The following GNPTAB variants were observed in gnomAD, a reference collection of about 807,000 sequenced individuals.
GNPTAB encodes the protein N-acetylglucosamine-1-phosphotransferase subunits alpha/beta.
Under a neutral mutation model 136.6 loss-of-function variants are expected in GNPTAB, and 92 were observed. That is an observed-to-expected ratio of 0.67 (90% CI 0.57 to 0.80). The LOEUF is 0.80. Among genes scored for constraint, GNPTAB ranks in the 30% least tolerant of loss-of-function variants. GNPTAB has a pLI of 0.00. For missense variants in GNPTAB, 1,343 were observed against 1,501.8 expected (o/e 0.89, Z 1.75); for synonymous variants, 512 against 535.1 (o/e 0.96, Z 0.60).
rs1438149223 is a variant in GNPTAB, at chr12:101,830,597, C to T, written c.79G>A (p.Val27Ile). The change falls in exon 1 of 21, where the codon GTC (valine) becomes ATC (isoleucine). Residue 27 changes from valine (V) to isoleucine (I), a missense_variant. Coordinates refer to ENST00000299314, the MANE Select transcript of GNPTAB (RefSeq NM_024312.5). ...AAGGCGGAGACGATGGTGACAACGA[C>T]GCCCAAGAAGCACACGTAGAGCCCA... ...RYGLYVCFLG[V>I]VVTIVSAFQF... The T allele has an allele frequency of 6.2e-7, 1 of 1,612,812 alleles. No individual in the cohort carries two copies. Among genetic ancestry groups the T allele is most frequent in the Non-Finnish European group, 8.5e-7 (1 of 1,179,234 alleles).
intron 19 of GNPTAB, 51 bp downstream of exon 19, chr12:101,753,321 G>T: frequency 1.6e-6 from 2 of 1,256,042 alleles, no homozygotes; most frequent in Non-Finnish European, 2.3e-6. Context: ...AGATACATAT[G>T]CATGTATACA....
At chr12:101,772,223 C>T (rs1297204835) in intron 7 of GNPTAB, among the ~76,000 whole-genome samples, 2 of 152,224 alleles carry the variant, frequency 1.3e-5, no homozygotes. Flanking sequence ...GGGGAGAGGC[C>T]TGAAAACCAC....
chr12:101,797,049 G>A (rs184301344), intron 1 of GNPTAB, among the ~76,000 whole-genome samples: 329 of 152,226 alleles, frequency 2.2e-3, no homozygotes, highest in African/African-American at 7.4e-3. Flanking sequence ...TGAAGAATGA[G>A]TTCACCAGGT....
In GNPTAB at chr12:101,796,304, A is replaced by G. The variant is rs1035374451; in HGVS notation, c.203+373T>C. ...TGCAATCATGCAATTTAAGGTACCC[A>G]ATAAACTACAAGGTGGGATTACTCT... On this transcript the variant is annotated intron_variant, in intron 2 of 20. Coordinates refer to ENST00000299314, the MANE Select transcript of GNPTAB (RefSeq NM_024312.5). 3.3e-5 allele frequency: 23 copies of G among 702,548 alleles called. No individual in the cohort carries two copies. The African/African-American group carries it at 3.8e-4, about 12-fold the overall frequency. 43.5% of individuals were successfully genotyped at this position (702,548 alleles called of 1,614,324 possible).
intron 1 of GNPTAB, among the ~76,000 whole-genome samples, chr12:101,799,532 G>T (rs1869487410): frequency 6.6e-6 from 1 of 152,190 alleles, no homozygotes; most frequent in Non-Finnish European, 1.5e-5. Context: ...GGGACAGGCT[G>T]ACTCTACTGT....
chr12:101,829,703 A>G (rs1166804586), intron 1 of GNPTAB, among the ~76,000 whole-genome samples: 2 of 152,196 alleles, frequency 1.3e-5, no homozygotes, highest in African/African-American at 2.4e-5. Context: ...TCACACTTAC[A>G]AATCTGGAGC....
rs137852900 is a variant in GNPTAB, at chr12:101,770,185, A to G, written c.1120T>C (p.Phe374Leu). 5 of 1,614,056 alleles carry G rather than the reference A, an allele frequency of 3.1e-6. No individual in the cohort carries two copies. The East Asian group carries it at 1.1e-4, about 36-fold the overall frequency. Residue 374 changes from phenylalanine (F) to leucine (L), a missense_variant, in exon 10 of 21, where the codon TTT (phenylalanine) becomes CTT (leucine). Coordinates refer to ENST00000299314, the MANE Select transcript of GNPTAB (RefSeq NM_024312.5). ...GTAGGCAAGTGGCTCAAATTTCGAA[A>G]AACATCCTTTTAACAACAACAAACA... Reference protein sequence around the residue: ...RVTIVTHQDVFRNLSHLPTFS... With the variant: ...RVTIVTHQDVLRNLSHLPTFS...
chr12:101,797,226 G>A (rs898697743), intron 1 of GNPTAB, among the ~76,000 whole-genome samples: 3 of 152,072 alleles, frequency 2.0e-5, no homozygotes, highest in African/African-American at 7.2e-5. Flanking sequence ...TAAGCGTGAC[G>A]TGCCTTCTGT....
intron 2 of GNPTAB, chr12:101,796,180 G>A (rs1160401394): frequency 4.3e-6 from 3 of 700,564 alleles, no homozygotes; most frequent in East Asian, 5.4e-5. Flanking sequence ...ACAGAATTCC[G>A]GCCAGGGCTC....
At chr12:101,794,398 T>G (rs1457334761) in intron 2 of GNPTAB, among the ~76,000 whole-genome samples, 1 of 151,972 alleles carries the variant, frequency 6.6e-6, no homozygotes, top group East Asian at 1.9e-4. Flanking sequence ...CCTGTAATCT[T>G]AACACTTTGG....
chr12:101,806,340 T>C (rs759595578), intron 1 of GNPTAB, among the ~76,000 whole-genome samples: 11 of 152,162 alleles, frequency 7.2e-5, no homozygotes, highest in Non-Finnish European at 1.3e-4. Flanking sequence ...GATTCCATTA[T>C]ATAAAATATC....
chr12:101,780,940 CAG>C (rs1953333362), intron 5 of GNPTAB, among the ~76,000 whole-genome samples: 2 of 152,022 alleles, frequency 1.3e-5, no homozygotes, highest in Non-Finnish European at 1.5e-5. Context: ...TATGCAAAGA[CAG>C]GGGGAAAAAG....
At chr12:101,776,415 C>T (rs1953263400) in intron 7 of GNPTAB, among the ~76,000 whole-genome samples, 1 of 152,106 alleles carries the variant, frequency 6.6e-6, no homozygotes, top group African/African-American at 2.4e-5. Context: ...TATTAAAGGA[C>T]CCACCTCAAG....
intron 3 of GNPTAB, among the ~76,000 whole-genome samples, chr12:101,789,431 T>C (rs1214732005): frequency 6.6e-6 from 1 of 152,196 alleles, no homozygotes; most frequent in Non-Finnish European, 1.5e-5. Flanking sequence ...CAACTTACCC[T>C]TCTCTAATGC....
At chr12:101,793,021 G>A (rs886532478) in intron 2 of GNPTAB, among the ~76,000 whole-genome samples, 2 of 152,136 alleles carry the variant, frequency 1.3e-5, no homozygotes, top group East Asian at 3.8e-4. Context: ...TGATTTATAT[G>A]TAGGTTACAC....
intron 11 of GNPTAB, 39 bp downstream of exon 11, chr12:101,767,998 C>G (rs1398599021): frequency 3.7e-6 from 6 of 1,602,888 alleles, no homozygotes; most frequent in African/African-American, 1.3e-5. Flanking sequence ...AGAAAATATT[C>G]CATAAAAATG....
intron 2 of GNPTAB, chr12:101,796,457 C>A (rs558332614): frequency 8.0e-6 from 5 of 624,254 alleles, no homozygotes; most frequent in African/African-American, 1.8e-5. Context: ...CACCCTTGCA[C>A]AGGGGCCACA....
chr12:101,756,606 T>C lies in GNPTAB; in HGVS notation c.3434+606A>G, dbSNP rs952124371. On this transcript the variant is annotated intron_variant, in intron 18 of 20. Coordinates refer to ENST00000299314, the MANE Select transcript of GNPTAB (RefSeq NM_024312.5). ...TATAGTTTATATGCCAGTGTCTTTA[T>C]TTTCCAAAGAAGTTGATGAAACATC... The C allele has an allele frequency of 1.2e-4, 24 of 192,666 alleles. No homozygotes were observed. The Admixed American group carries it at 1.4e-3, about 11-fold the overall frequency. The allele number at this position is 192,666 out of a possible 1,614,324, so 11.9% of individuals were successfully genotyped here. A position where few individuals can be genotyped will look rare whatever the true frequency, so the allele number is the denominator to read the frequency against.
intron 19 of GNPTAB, among the ~76,000 whole-genome samples, chr12:101,750,682 C>T (rs967455997): frequency 1.3e-5 from 2 of 152,170 alleles, no homozygotes; most frequent in South Asian, 2.1e-4. Flanking sequence ...AAAGTGAAAA[C>T]GGTGAGAAGC....
Sources: allele counts gnomAD v4.1 joint callset (sites outside exome capture counted in the v4.1 genomes callset), GRCh38; gene constraint gnomAD v4.1.1; transcripts MANE v1.5; gene names NCBI Gene and HGNC (gene_info 2026-07-23, HGNC 2026-07-21).